SIPA1L2: variants seen among roughly 807,000 people sequenced by gnomAD.
The protein encoded by SIPA1L2 is signal induced proliferation associated 1 like 2.
Under a neutral mutation model 163.9 loss-of-function variants are expected in SIPA1L2, and 56 were observed. The observed-to-expected ratio is 0.34, with a 90% CI of 0.28 to 0.43. The LOEUF is 0.43. Among genes scored for constraint, SIPA1L2 ranks in the 20% least tolerant of loss-of-function variants. SIPA1L2 has a pLI of 1.00. For missense variants in SIPA1L2, 1,974 were observed against 2,193.5 expected (o/e 0.90, Z 2.00); for synonymous variants, 877 against 865.7 (o/e 1.01, Z -0.23).
At position 232,425,772 on chromosome 1, in the gene SIPA1L2, G is replaced by T. The variant is rs1254772170; in HGVS notation, c.4447C>A (p.Leu1483Ile). The change falls in exon 18 of 23, where the codon CTT becomes ATT. Residue 1483 changes from leucine (L) to isoleucine (I), a missense_variant. By Grantham distance (5) the Leu-to-Ile change is conservative (BLOSUM62 2). Transcript: ENST00000674635. The part of the protein sequence containing the change: ...FYGNLSPRRS[L>I]YRTLSDESIC... Reference sequence around the variant, plus strand: ...CTCTCGTCAGACAGCGTGCGGTAAAGCGACCTCCTTGGAGACAGGTTCCCA... The same window carrying T: ...CTCTCGTCAGACAGCGTGCGGTAAATCGACCTCCTTGGAGACAGGTTCCCA... 1 of 1,614,084 alleles carries T rather than the reference G, an allele frequency of 6.2e-7. No individual in the cohort carries two copies.
chr1:232,519,317 AC>A (rs1667352526), intron 2 of SIPA1L2, among the ~76,000 whole-genome samples: 1 of 152,226 alleles, frequency 6.6e-6, no homozygotes, highest in African/African-American at 2.4e-5. Flanking sequence ...CAATCCTGCC[AC>A]CAGTCTCTGT....
chr1:232,454,951 T>C (rs1162490427), intron 10 of SIPA1L2, among the ~76,000 whole-genome samples: 1 of 152,238 alleles, frequency 6.6e-6, no homozygotes, highest in East Asian at 1.9e-4. Flanking sequence ...AGATTACATC[T>C]GTCCCATCCG....
intron 2 of SIPA1L2, among the ~76,000 whole-genome samples, chr1:232,526,825 T>A (rs1337348207): frequency 6.6e-6 from 1 of 152,118 alleles, no homozygotes; most frequent in East Asian, 1.9e-4. Flanking sequence ...GATTTTTACA[T>A]CCTCTCACTG....
Sources: allele counts gnomAD v4.1 joint callset (sites outside exome capture counted in the v4.1 genomes callset), GRCh38; gene constraint gnomAD v4.1.1; transcripts MANE v1.5; gene names NCBI Gene and HGNC (gene_info 2026-07-23, HGNC 2026-07-21).